Variants in SLC35F4 observed in about 807,000 individuals in gnomAD.
SLC35F4 encodes the protein chromosome 14 open reading frame 36.
A neutral mutation model predicts 44.2 loss-of-function variants in SLC35F4; 24 were observed. The observed-to-expected ratio is 0.54, with a 90% confidence interval of 0.39 to 0.76. SLC35F4 has a LOEUF of 0.76. Among genes scored for constraint, SLC35F4 ranks in the 30% least tolerant of loss-of-function variants. The pLI, the probability that SLC35F4 is intolerant of heterozygous loss-of-function variation, is 0.00. For missense variants in SLC35F4, 562 were observed against 586.1 expected (o/e 0.96, Z 0.42); for synonymous variants, 238 against 223.6 (o/e 1.06, Z -0.57).
chr14:57,777,523 A>C (rs1269430874), intron 1 of SLC35F4, among the ~76,000 whole-genome samples: 1 of 152,146 alleles, frequency 6.6e-6, no homozygotes, highest in Non-Finnish European at 1.5e-5. Context: ...AAACTATCAC[A>C]GGGACAGAAA....
At chr14:57,858,677 A>G (rs904116074) in intron 1 of SLC35F4, among the ~76,000 whole-genome samples, 2 of 151,180 alleles carry the variant, frequency 1.3e-5, no homozygotes, top group African/African-American at 4.9e-5. Flanking sequence ...CTTAAAGTAT[A>G]ATTTTAAAAA....
At chr14:57,942,230 T>C (rs1435821639) in intron 1 of SLC35F4, among the ~76,000 whole-genome samples, 4 of 152,168 alleles carry the variant, frequency 2.6e-5, no homozygotes, top group African/African-American at 9.7e-5. Flanking sequence ...CCCCTTAAAA[T>C]ACAGGGTTGT....
At chr14:57,779,115 T>A (rs572241160) in intron 1 of SLC35F4, among the ~76,000 whole-genome samples, 24 of 151,138 alleles carry the variant, frequency 1.6e-4, no homozygotes, top group Admixed American at 3.3e-4. Flanking sequence ...CAAAAAAAAA[T>A]AATAATAATA....
chr14:57,890,555 T>A (rs1888739864), intron 1 of SLC35F4, among the ~76,000 whole-genome samples: 1 of 123,866 alleles, frequency 8.1e-6, no homozygotes, highest in South Asian at 2.5e-4. Context: ...CCCTCTCCAC[T>A]GCATGGAGCT....
In SLC35F4 at chr14:57,590,226, CA is replaced by C. The variant is rs55850524; in HGVS notation, c.290-714del. On this transcript the variant is annotated intron_variant, in intron 2 of 7. Transcript: ENST00000556826. ...CCAAGAAAGAGAGACCTTGTCTATG[CA>C]AAAAAAAAAAAAAAAATTAGCCGTG... Among the ~76,000 whole-genome samples the C allele has an allele frequency of 2.1e-3, 254 of 119,144 alleles. 2 individuals carry two copies. Among genetic ancestry groups the C allele is most frequent in the Middle Eastern group, 8.3e-3 (2 of 240 alleles). The allele number at this position is 119,144 out of a possible 152,430, so 78.2% of individuals were successfully genotyped here.
At chr14:57,684,901 CTTAG>C (rs958135322) in intron 1 of SLC35F4, among the ~76,000 whole-genome samples, 11 of 152,224 alleles carry the variant, frequency 7.2e-5, no homozygotes, top group Middle Eastern at 3.4e-3. Flanking sequence ...TGTGTAGCTC[CTTAG>C]TTAGCTGCCT....
chr14:57,566,710 A>G (rs761332850), intron 6 of SLC35F4, 146 bp from the exon 7 acceptor site: 46 of 727,852 alleles, frequency 6.3e-5, no homozygotes, highest in African/African-American at 1.1e-4. Flanking sequence ...AGATGGATGC[A>G]TGTGTATTCT....
intron 1 of SLC35F4, among the ~76,000 whole-genome samples, chr14:57,671,515 C>G (rs1018245227): frequency 6.6e-6 from 1 of 151,984 alleles, no homozygotes; most frequent in Non-Finnish European, 1.5e-5. Context: ...AAGGGAAGAC[C>G]CAGTCCTGGC....
chr14:57,677,607 A>G (rs1246989492), intron 1 of SLC35F4, among the ~76,000 whole-genome samples: 1 of 152,096 alleles, frequency 6.6e-6, no homozygotes, highest in Non-Finnish European at 1.5e-5. Flanking sequence ...AAAGACATAG[A>G]TGAACATGAA....
chr14:57,569,862 G>T lies in SLC35F4; in HGVS notation c.1052C>A (p.Thr351Asn). 6.2e-7 allele frequency: 1 copy of T among 1,611,992 alleles called. No individual in the cohort carries two copies. The highest frequency in any genetic ancestry group is 8.5e-7 in the Non-Finnish European group (1 of 1,179,140). Reference sequence around the variant, plus strand: ...AAAAGAGGACCAGTGCTCCACCTTGGTGAAATACAAGATGACTGGGGTGAA... The same window carrying T: ...AAAAGAGGACCAGTGCTCCACCTTGTTGAAATACAAGATGACTGGGGTGAA... ...ISFTPVILYF[T>N]KVEHWSSFAA... is the part of the protein sequence containing the mutation. Residue 351 changes from threonine to asparagine, a missense_variant, in exon 6 of 8, where the codon ACC (threonine) becomes AAC (asparagine). Thr to Asn is a moderately conservative substitution (Grantham distance 65, BLOSUM62 0). Coordinates refer to ENST00000556826, the MANE Select transcript of SLC35F4 (RefSeq NM_001306087.2).
chr14:57,926,563 G>A (rs1479707674), intron 1 of SLC35F4, among the ~76,000 whole-genome samples: 1 of 152,100 alleles, frequency 6.6e-6, no homozygotes, highest in African/African-American at 2.4e-5. Context: ...AGTTGGGGGG[G>A]AATTTATATG....
chr14:57,728,694 C>T (rs1412089298), intron 1 of SLC35F4, among the ~76,000 whole-genome samples: 2 of 152,060 alleles, frequency 1.3e-5, no homozygotes. Flanking sequence ...AATGCCTGAC[C>T]TCAAGTGATC....
intron 1 of SLC35F4, among the ~76,000 whole-genome samples, chr14:57,613,604 A>G (rs1486204582): frequency 1.3e-5 from 2 of 152,244 alleles, no homozygotes; most frequent in African/African-American, 4.8e-5. Context: ...TTTCTACCTG[A>G]GATTCAGCAC....
upstream of SLC35F4, among the ~76,000 whole-genome samples, chr14:57,868,478 AT>A (rs35866620): frequency 0.076 from 11,022 of 145,576 alleles, 428 homozygotes; most frequent in Middle Eastern, 0.16. Flanking sequence ...AGAAAGGATA[AT>A]TTTTTTTTTT....
intron 1 of SLC35F4, among the ~76,000 whole-genome samples, chr14:57,597,244 G>A (rs2139951084): frequency 6.6e-6 from 1 of 152,314 alleles, no homozygotes; most frequent in Non-Finnish European, 1.5e-5. Context: ...TGTATTAGGA[G>A]TGATGTGTGG....
At chr14:57,869,227 A>G (rs10151149), upstream of SLC35F4, among the ~76,000 whole-genome samples, 11,761 of 151,696 alleles carry the variant, frequency 0.078, 642 homozygotes, top group African/African-American at 0.15. Flanking sequence ...AAGCCAAATC[A>G]TTTGTAAAGT....
intron 1 of SLC35F4, among the ~76,000 whole-genome samples, chr14:57,969,045 C>T (rs1880973540): frequency 1.3e-5 from 2 of 152,298 alleles, no homozygotes; most frequent in South Asian, 2.1e-4. Context: ...AAGAGGTCTT[C>T]ATGGATCACA....
At chr14:57,694,928 CT>C (rs1200589321) in intron 1 of SLC35F4, among the ~76,000 whole-genome samples, 4 of 152,038 alleles carry the variant, frequency 2.6e-5, no homozygotes, top group African/African-American at 7.2e-5. Context: ...TCTGTAAGTT[CT>C]TTTGGATTTT....
At chr14:57,839,273 TC>T (rs1322101312) in intron 1 of SLC35F4, among the ~76,000 whole-genome samples, 1 of 152,196 alleles carries the variant, frequency 6.6e-6, no homozygotes, top group Non-Finnish European at 1.5e-5. Context: ...CTTCTTCACT[TC>T]TTATCCTTCG....
Sources: allele counts gnomAD v4.1 joint callset (sites outside exome capture counted in the v4.1 genomes callset), GRCh38; gene constraint gnomAD v4.1.1; transcripts MANE v1.5; gene names NCBI Gene and HGNC (gene_info 2026-07-23, HGNC 2026-07-21).